Variants in SNX9 observed in about 807,000 individuals in gnomAD.
The protein encoded by SNX9 is sorting nexin-9.
SNX9 carries 44 observed loss-of-function variants against 89.4 expected under a neutral mutation model. The ratio of observed to expected loss-of-function variants is 0.49; its 90% CI spans 0.39 to 0.63. The LOEUF (loss-of-function observed/expected upper bound fraction) is 0.63. Ranked by LOEUF, SNX9 falls within the 30% of genes least tolerant of loss-of-function variation. SNX9 has a pLI of 0.00. For missense variants in SNX9, 578 were observed against 736.1 expected (o/e 0.79, Z 2.49); for synonymous variants, 236 against 247.8 (o/e 0.95, Z 0.45).
intron 10 of SNX9, among the ~76,000 whole-genome samples, chr6:157,923,438 A>T (rs1011338533): frequency 2.0e-5 from 3 of 152,120 alleles, no homozygotes; most frequent in African/African-American, 7.2e-5. Context: ...TAAAAAAAAA[A>T]TAACCTGTCA....
At chr6:157,907,278 T>TG (rs1783235368) in intron 7 of SNX9, among the ~76,000 whole-genome samples, 3 of 151,676 alleles carry the variant, frequency 2.0e-5, no homozygotes, top group South Asian at 4.2e-4. Flanking sequence ...AGTTTTGTTT[T>TG]TTTGTTTGTT....
intron 11 of SNX9, 39 bp from the exon 12 acceptor site, chr6:157,928,560 T>C (rs367741283): frequency 4.6e-6 from 7 of 1,520,412 alleles, no homozygotes; most frequent in South Asian, 1.2e-5. Flanking sequence ...CAGTGCTGTT[T>C]CTCCTGCTTA....
chr6:157,923,944 T>C (rs762979361), intron 10 of SNX9, among the ~76,000 whole-genome samples: 41 of 152,226 alleles, frequency 2.7e-4, no homozygotes, highest in Admixed American at 2.0e-3. Context: ...TTGTTATGTT[T>C]TTAAAACATG....
chr6:157,861,327 A>G (rs1163880685), intron 1 of SNX9, among the ~76,000 whole-genome samples: 1 of 152,220 alleles, frequency 6.6e-6, no homozygotes, highest in Non-Finnish European at 1.5e-5. Flanking sequence ...TGAGAACATG[A>G]TAATTAATTG....
At chr6:157,901,110 C>G (rs1783087872) in intron 5 of SNX9, among the ~76,000 whole-genome samples, 1 of 152,228 alleles carries the variant, frequency 6.6e-6, no homozygotes, top group East Asian at 1.9e-4. Flanking sequence ...GACTGCACAT[C>G]CATTCATAGG....
intron 9 of SNX9, among the ~76,000 whole-genome samples, chr6:157,918,901 A>G (rs192093539): frequency 1.2e-3 from 185 of 152,004 alleles, no homozygotes; most frequent in African/African-American, 3.4e-3. Context: ...CATTATTTTT[A>G]TATATATTAC....
intron 1 of SNX9, among the ~76,000 whole-genome samples, chr6:157,862,684 G>C (rs533358317): frequency 1.3e-5 from 2 of 152,104 alleles, no homozygotes; most frequent in East Asian, 1.9e-4. Flanking sequence ...AGGGTTTTGT[G>C]AATTTTTTTT....
chr6:157,840,431 T>TCC lies in SNX9; in HGVS notation c.12+16985_12+16986insCC, dbSNP rs1323322649. Among the ~76,000 whole-genome samples the TCC allele has an allele frequency of 6.6e-4, 100 of 151,768 alleles. 3 individuals carry two copies. Among genetic ancestry groups the TCC allele is most frequent in the African/African-American group, 1.3e-3 (55 of 41,350 alleles). ...ACTTTCTTTCTTTCTTTTCTTTCTT[T>TCC]TCTTTCCTTTCTTTCCTTTCCTTCC... is the stretch of plus-strand genomic sequence containing the variant. On this transcript the variant is annotated intron_variant, in intron 1 of 17. Transcript: ENST00000392185.
chr6:157,876,022 C>CT (rs1404795414), intron 4 of SNX9, among the ~76,000 whole-genome samples: 2 of 151,830 alleles, frequency 1.3e-5, no homozygotes, highest in Non-Finnish European at 2.9e-5. Context: ...ATATTGTTAA[C>CT]TGCTTACATC....
At chr6:157,826,776 AT>A (rs1185729266) in intron 1 of SNX9, among the ~76,000 whole-genome samples, 2 of 84,708 alleles carry the variant, frequency 2.4e-5, no homozygotes, top group Non-Finnish European at 4.9e-5. Context: ...TGATATATAA[AT>A]ATATTATATT....
intron 4 of SNX9, among the ~76,000 whole-genome samples, chr6:157,889,835 C>G (rs1315606235): frequency 6.6e-6 from 1 of 152,030 alleles, no homozygotes; most frequent in African/African-American, 2.4e-5. Context: ...AGTCTTTATT[C>G]TTTTCTTTAT....
chr6:157,909,002 G>A (rs961706407), intron 7 of SNX9, among the ~76,000 whole-genome samples: 10 of 152,174 alleles, frequency 6.6e-5, no homozygotes, highest in African/African-American at 1.9e-4. Context: ...AGCAGTCCAC[G>A]GAAGAAAACA....
At position 157,823,733 on chromosome 6, in the gene SNX9, G is replaced by A. The variant is rs895939068; in HGVS notation, c.12+287G>A. ...AGGTTTGGGAAGTTTGCACCTGAGC[G>A]TGGGCTGCGGCGGGCTCGCCGGGAG... On this transcript the variant is annotated intron_variant, in intron 1 of 17. Coordinates refer to ENST00000392185, the MANE Select transcript of SNX9 (RefSeq NM_016224.5). The surrounding 1 kb of genome is among the most constrained non-coding windows in gnomAD (Gnocchi z 4.6). Among the ~76,000 whole-genome samples, 2 of 152,054 alleles carry A rather than the reference G, an allele frequency of 1.3e-5. No homozygotes were observed. Among genetic ancestry groups the A allele is most frequent in the East Asian group, 1.9e-4 (1 of 5,148 alleles).
At chr6:157,853,812 G>A (rs1385683134) in intron 1 of SNX9, among the ~76,000 whole-genome samples, 3 of 151,800 alleles carry the variant, frequency 2.0e-5, no homozygotes, top group Admixed American at 2.0e-4. Flanking sequence ...AACAACAAAG[G>A]TGGTGATAGC....
At position 157,855,995 on chromosome 6, in the gene SNX9, C is replaced by A. The variant is rs539157485; in HGVS notation, c.13-11552C>A. On this transcript the variant is annotated intron_variant, in intron 1 of 17. Coordinates refer to ENST00000392185, the MANE Select transcript of SNX9 (RefSeq NM_016224.5). ...AACGCCTGACCTCAGATGATCCACC[C>A]GCCTCGGCCTCCCAGAGTGCTGGGA... Among the ~76,000 whole-genome samples the A allele has an allele frequency of 7.2e-5, 11 of 152,286 alleles. No individual in the cohort carries two copies. The South Asian group carries it at 2.3e-3, about 32-fold the overall frequency.
intron 3 of SNX9, 64 bp downstream of exon 3, chr6:157,873,240 T>C (rs1782451516): frequency 2.2e-6 from 3 of 1,377,128 alleles, no homozygotes; most frequent in African/African-American, 1.5e-5. Flanking sequence ...TTATGAATTA[T>C]CAACTTACAA....
At chr6:157,937,236 T>A (rs1041281512) in intron 14 of SNX9, among the ~76,000 whole-genome samples, 198 bp from the exon 15 acceptor site, 1 of 152,258 alleles carries the variant, frequency 6.6e-6, no homozygotes, top group African/African-American at 2.4e-5. Context: ...GATGTTTTGT[T>A]GTTTTCTTTA....
intron 9 of SNX9, among the ~76,000 whole-genome samples, chr6:157,919,318 C>T (rs1357061723): frequency 6.6e-6 from 1 of 151,920 alleles, no homozygotes; most frequent in Non-Finnish European, 1.5e-5. Context: ...GTCTCACTCT[C>T]TCTTCTTCCT....
rs552199559 is a variant in SNX9 at position 157,924,302 on chromosome 6, G to A, written c.1080+2641G>A. 1.2e-4 allele frequency: 18 copies of A among 152,192 alleles called. 1 individual carries two copies. The highest frequency in any genetic ancestry group is 4.1e-4 in the African/African-American group (17 of 41,520). 9.4% of individuals were successfully genotyped at this position (152,192 alleles called of 1,614,324 possible). A position where few individuals can be genotyped will look rare whatever the true frequency, so the allele number is the denominator to read the frequency against. On this transcript the variant is annotated intron_variant, in intron 10 of 17. Transcript: ENST00000392185. ...ATGGAGGAGAATACCTATGAAACAA[G>A]ATTGGCACCTCCCGGGGAGCAGTGG...
Sources: allele counts gnomAD v4.1 joint callset (sites outside exome capture counted in the v4.1 genomes callset), GRCh38; gene constraint gnomAD v4.1.1; non-coding constraint Gnocchi (gnomAD v3.1); transcripts MANE v1.5; gene names NCBI Gene and HGNC (gene_info 2026-07-23, HGNC 2026-07-21).